Variants in KIF14 observed in about 807,000 individuals in gnomAD.
The protein encoded by KIF14 is kinesin-like protein KIF14.
Under a neutral mutation model 176.2 loss-of-function variants are expected in KIF14, and 98 were observed. That is an observed-to-expected ratio of 0.56 (90% confidence interval 0.47 to 0.66). The LOEUF (loss-of-function observed/expected upper bound fraction) is 0.66. Ranked by LOEUF, KIF14 falls within the 30% of genes least tolerant of loss-of-function variation. The pLI is 0.00. For missense variants in KIF14, 1,751 were observed against 1,920.4 expected, an observed-to-expected ratio of 0.91 and a Z score of 1.65; for synonymous variants, 566 against 632.2, an observed-to-expected ratio of 0.90 and a Z score of 1.57.
At position 200,602,129 on chromosome 1, in the gene KIF14, A is replaced by G. The variant is rs1659658537; in HGVS notation, c.1980-61T>C. ...AACAACTTAATAACAGTAATTATCT[A>G]GAAAGCACAAAACAAACTAATAGGG... On this transcript the variant is annotated intron_variant, in intron 10 of 29. Transcript: ENST00000367350. 4 of 1,436,634 alleles carry G rather than the reference A, an allele frequency of 2.8e-6. 1 individual carries two copies. The South Asian group carries it at 4.9e-5, about 18-fold the overall frequency. 89.0% of individuals were successfully genotyped at this position (1,436,634 alleles called of 1,614,324 possible).
At chr1:200,573,648 A>G (rs1178003914) in intron 22 of KIF14, among the ~76,000 whole-genome samples, 5 of 152,054 alleles carry the variant, frequency 3.3e-5, no homozygotes, top group Admixed American at 3.3e-4. Context: ...TTCATTCAGG[A>G]TAATGCTTGC....
At position 200,571,244 on chromosome 1, in the gene KIF14, G is replaced by C. The variant is rs989298407; in HGVS notation, c.3567-1239C>G. Reference sequence around the variant, plus strand: ...GCAGAAGAATGGCGTAAACCTGGGAGGGGGAGCTTATAATGAGCGGAGATC... The same window carrying C: ...GCAGAAGAATGGCGTAAACCTGGGACGGGGAGCTTATAATGAGCGGAGATC... On this transcript the variant is annotated intron_variant, in intron 22 of 29. Transcript: ENST00000367350. Among the ~76,000 whole-genome samples the C allele has an allele frequency of 4.6e-5, 7 of 151,926 alleles. No homozygotes were observed. In the East Asian group the frequency reaches 1.4e-3, roughly 29 times the overall value.
chr1:200,573,423 A>ATTTTTTTTTTTTTTT (rs1657921825), intron 22 of KIF14, among the ~76,000 whole-genome samples: 1 of 84,432 alleles, frequency 1.2e-5, no homozygotes, highest in African/African-American at 6.0e-5. Flanking sequence ...CAAGGAGCTC[A>ATTTTTTTTTTTTTTT]TTTCTTTTTT....
chr1:200,616,147 T>G (rs1558094961), intron 2 of KIF14, among the ~76,000 whole-genome samples: 1 of 152,184 alleles, frequency 6.6e-6, no homozygotes, highest in Non-Finnish European at 1.5e-5. Flanking sequence ...CTTTGAGACT[T>G]AGGTGGAAAT....
intron 1 of KIF14, among the ~76,000 whole-genome samples, chr1:200,619,267 T>C (rs1236129865): frequency 2.0e-5 from 3 of 151,824 alleles, no homozygotes; most frequent in Non-Finnish European, 4.4e-5. Context: ...AATCAGAGTG[T>C]GGAGCAAAGT....
rs1234917240 is a variant in KIF14 at position 200,618,229 on chromosome 1, C to A, written c.495G>T (p.Arg165Ser). ...GVSKESRTNV[R>S]IVNNAKNSFV... The stretch of plus-strand genomic sequence containing the variant: ...AAGAGTTTTTAGCATTATTTACAAT[C>A]CTTACATTTGTTCTACTTTCCTTAG... Residue 165 changes from arginine to serine, a missense_variant, in exon 2 of 30, where the codon AGG becomes AGT. Physicochemically the swap from Arg to Ser is moderately radical, Grantham distance 110. Transcript: ENST00000367350. 1 of 1,613,926 alleles carries A rather than the reference C, an allele frequency of 6.2e-7. No homozygotes were observed. Among genetic ancestry groups the A allele is most frequent in the Non-Finnish European group, 8.5e-7 (1 of 1,180,002 alleles).
intron 10 of KIF14, among the ~76,000 whole-genome samples, chr1:200,602,419 A>G (rs1005663146): frequency 6.6e-6 from 1 of 152,212 alleles, no homozygotes; most frequent in African/African-American, 2.4e-5. Context: ...GGTGCTCAAT[A>G]AATGTTGAAA....
chr1:200,574,321 T>C (rs1657981249), intron 22 of KIF14, among the ~76,000 whole-genome samples: 1 of 152,130 alleles, frequency 6.6e-6, no homozygotes, highest in Admixed American at 6.6e-5. Context: ...TCTTAAATGC[T>C]CCATCTCAGG....
rs867989386 is a variant in KIF14 at position 200,557,245 on chromosome 1, G to A, written c.4354-1791C>T. On this transcript the variant is annotated intron_variant, in intron 27 of 29. Coordinates refer to ENST00000367350, the MANE Select transcript of KIF14 (RefSeq NM_014875.3). ...TCTCGATCTCTTGATCTCGTGATCC[G>A]CCCACCTTGGCCTCCCAAAGTGCTG... is the stretch of plus-strand genomic sequence containing the variant. Among the ~76,000 whole-genome samples the A allele has an allele frequency of 3.3e-5, 5 of 152,020 alleles. No homozygotes were observed. In the South Asian group the frequency reaches 6.2e-4, roughly 19 times the overall value.
At chr1:200,610,147 T>C (rs1660078513) in intron 4 of KIF14, among the ~76,000 whole-genome samples, 1 of 152,184 alleles carries the variant, frequency 6.6e-6, no homozygotes, top group South Asian at 2.1e-4. Flanking sequence ...ATGTACTGAA[T>C]GCCACTGAAT....
In KIF14 at chr1:200,590,581, G is replaced by GA. The variant is rs1252652612; in HGVS notation, c.2814-310dup. On this transcript the variant is annotated intron_variant, in intron 16 of 29. Transcript: ENST00000367350. ...AGAAATTTCCATTCCCAATTTTACT[G>GA]AAAAAAAGAATAAGAGTATAAAAAA... 2.0e-5 allele frequency among the ~76,000 whole-genome samples: 3 copies of GA among 152,066 alleles called. No homozygotes were observed. The East Asian group carries it at 5.8e-4, about 29-fold the overall frequency.
At chr1:200,611,013 T>C (rs375071645) in intron 4 of KIF14, among the ~76,000 whole-genome samples, 8 of 152,212 alleles carry the variant, frequency 5.3e-5, no homozygotes, top group Middle Eastern at 3.2e-3. Context: ...TTCTTCCTGA[T>C]TGGGAGAGAA....
At chr1:200,567,548 A>AAG (rs1657536636) in intron 23 of KIF14, among the ~76,000 whole-genome samples, 1 of 151,146 alleles carries the variant, frequency 6.6e-6, no homozygotes, top group Non-Finnish European at 1.5e-5. Flanking sequence ...AAAAAAAAAA[A>AAG]GGCTAAAACC....
At chr1:200,560,638 C>A in intron 26 of KIF14, 84 bp downstream of exon 26, 1 of 1,366,194 alleles carries the variant, frequency 7.3e-7, no homozygotes, top group Non-Finnish European at 1.0e-6. Context: ...TTAAAAAGAA[C>A]TTGCCATGTT....
chr1:200,576,848 G>A (rs115637344), intron 21 of KIF14, among the ~76,000 whole-genome samples: 3,552 of 151,954 alleles, frequency 0.023, 50 homozygotes, highest in Non-Finnish European at 0.035. Context: ...GGCTGGTATC[G>A]AACTCCTGGG....
rs1246086316 is a variant in KIF14, at chr1:200,553,646, T to TA, written c.4688dup (p.Thr1564AsnfsTer13). ...CTAGTTCCTGGTGGACAATGTGAGT[T>TA]ACTCTACTCTCATAGCTGCCAACAG... On this transcript the variant is annotated frameshift_variant, in exon 30 of 30. Transcript: ENST00000367350. LOFTEE classifies it low-confidence loss of function (END_TRUNC). 1 of 1,614,070 alleles carries TA rather than the reference T, an allele frequency of 6.2e-7. No individual in the cohort carries two copies. The highest frequency in any genetic ancestry group is 1.1e-5 in the South Asian group (1 of 91,074).
chr1:200,600,350 C>G lies in KIF14; in HGVS notation c.2300+6G>C, dbSNP rs1659563376. On this transcript the variant is annotated splice_donor_region_variant and intron_variant, in intron 12 of 29. Coordinates refer to ENST00000367350, the MANE Select transcript of KIF14 (RefSeq NM_014875.3). Reference sequence around the variant, plus strand: ...CTTAACATTTAGAGTACTGACTGTACTCTACCTTTGCATTTCTGCCATGTC... The same window carrying G: ...CTTAACATTTAGAGTACTGACTGTAGTCTACCTTTGCATTTCTGCCATGTC... The G allele has an allele frequency of 6.2e-7, 1 of 1,612,920 alleles. No homozygotes were observed. Among genetic ancestry groups the G allele is most frequent in the Admixed American group, 1.7e-5 (1 of 59,984 alleles).
chr1:200,590,205 C>G lies in KIF14; in HGVS notation c.2881G>C (p.Ala961Pro). ...KEEMMQGIQI[A>P]KEMAQQELSS... ...AGCTCTTGCTGAGCCATTTCTTTTG[C>G]AATCTGGATTCCTTGCATCATTTCT... The change falls in exon 17 of 30, where the codon GCA (alanine) becomes CCA (proline). Residue 961 changes from alanine to proline, a missense_variant. Transcript: ENST00000367350. 1.9e-6 allele frequency: 3 copies of G among 1,613,846 alleles called. No homozygotes were observed. The highest frequency in any genetic ancestry group is 2.5e-6 in the Non-Finnish European group (3 of 1,179,918).
At chr1:200,612,897 T>G (rs1660226547) in intron 4 of KIF14, among the ~76,000 whole-genome samples, 1 of 143,020 alleles carries the variant, frequency 7.0e-6, no homozygotes, top group Non-Finnish European at 1.5e-5. Context: ...TTTTTTTTTT[T>G]TTTTTTTTGA....
Sources: allele counts gnomAD v4.1 joint callset (sites outside exome capture counted in the v4.1 genomes callset), GRCh38; gene constraint gnomAD v4.1.1; transcripts MANE v1.5; gene names NCBI Gene and HGNC (gene_info 2026-07-23, HGNC 2026-07-21).